Variants in CACNA1E observed in about 807,000 individuals in gnomAD.
The protein encoded by CACNA1E is calcium voltage-gated channel subunit alpha1 E.
Under a neutral mutation model 259.2 loss-of-function variants are expected in CACNA1E, and 40 were observed. That is an observed-to-expected ratio of 0.15 (90% CI 0.12 to 0.20). The LOEUF (loss-of-function observed/expected upper bound fraction) is 0.20. Ranked by LOEUF, CACNA1E falls within the 10% of genes least tolerant of loss-of-function variation. The pLI, the probability that CACNA1E is intolerant of heterozygous loss-of-function variation, is 1.00. For synonymous variants in CACNA1E, 1,104 were observed against 1,138.5 expected (o/e 0.97, Z 0.61); for missense variants, 1,874 against 3,040.1 (o/e 0.62, Z 9.02).
rs533035465 is a variant in CACNA1E at position 181,384,475 on chromosome 1, T to C, written c.-14-28658T>C. Among the ~76,000 whole-genome samples the C allele has an allele frequency of 3.3e-5, 5 of 152,276 alleles. No homozygotes were observed. In the East Asian group the frequency reaches 9.7e-4, roughly 29 times the overall value. Reference sequence around the variant, plus strand: ...AGGCCCTCCAAGCAACACTACTTCCTTTTTCCATGTAGGGTAGCAGAGTGA... The same window carrying C: ...AGGCCCTCCAAGCAACACTACTTCCCTTTTCCATGTAGGGTAGCAGAGTGA... On this transcript the variant is annotated intron_variant, in intron 1 of 11. Transcript: ENST00000524607.
chr1:181,673,074 G>T (rs761930446), intron 7 of CACNA1E, among the ~76,000 whole-genome samples: 1 of 152,194 alleles, frequency 6.6e-6, no homozygotes, highest in Non-Finnish European at 1.5e-5. Flanking sequence ...AATTGAGAGG[G>T]TTGTCAGTAT....
At chr1:181,432,011 G>T (rs147453853) in intron 2 of CACNA1E, among the ~76,000 whole-genome samples, 1 of 152,124 alleles carries the variant, frequency 6.6e-6, no homozygotes. Flanking sequence ...TTCCTGCATC[G>T]CCGATCGACC....
At chr1:181,425,135 T>C (rs1659068589) in intron 2 of CACNA1E, among the ~76,000 whole-genome samples, 1 of 152,220 alleles carries the variant, frequency 6.6e-6, no homozygotes, top group Admixed American at 6.5e-5. Flanking sequence ...TGGTTGTTTC[T>C]GTGTATTGCA....
chr1:181,389,232 A>G (rs1384501639), intron 1 of CACNA1E, among the ~76,000 whole-genome samples: 1 of 152,196 alleles, frequency 6.6e-6, no homozygotes, highest in Non-Finnish European at 1.5e-5. Flanking sequence ...ACTCAGTACT[A>G]TGTTTGGGGC....
chr1:181,679,463 C>T (rs530938840), intron 7 of CACNA1E, among the ~76,000 whole-genome samples: 2 of 152,306 alleles, frequency 1.3e-5, no homozygotes, highest in South Asian at 2.1e-4. Context: ...AAGGCAAACT[C>T]GGGCCAGAGC....
rs576694985 is a variant in CACNA1E at position 181,420,224 on chromosome 1, A to AT, written c.434+6654dup. ...GAAACCAACCTGGGAGGTCTCCTGCATTTTTTTTTTGTCTTTGGCTGGGTA... is the reference window on the plus strand; with the variant it reads ...GAAACCAACCTGGGAGGTCTCCTGCATTTTTTTTTTTGTCTTTGGCTGGGTA... On this transcript the variant is annotated intron_variant, in intron 2 of 11. Transcript: ENST00000524607. Among the ~76,000 whole-genome samples the AT allele has an allele frequency of 3.8e-3, 566 of 148,200 alleles. 4 individuals are homozygous for AT. Among genetic ancestry groups the AT allele is most frequent in the African/African-American group, 0.013 (515 of 40,538 alleles).
chr1:181,448,417 A>G (rs889284048), intron 2 of CACNA1E, among the ~76,000 whole-genome samples: 1 of 152,272 alleles, frequency 6.6e-6, no homozygotes, highest in East Asian at 1.9e-4. Flanking sequence ...TAGTAAACGT[A>G]GGAGTCAGGA....
intron 3 of CACNA1E, among the ~76,000 whole-genome samples, chr1:181,521,841 G>A (rs1667015333): frequency 6.6e-6 from 1 of 152,120 alleles, no homozygotes; most frequent in Non-Finnish European, 1.5e-5. Context: ...CAGGCAGAGG[G>A]TAGGACAGTT....
At chr1:181,715,930 T>G in intron 9 of CACNA1E, 110 bp from the exon 10 acceptor site, 2 of 696,336 alleles carry the variant, frequency 2.9e-6, no homozygotes, top group Admixed American at 4.3e-5. Context: ...TAGATGCCTG[T>G]GTTACAGGGG....
chr1:181,481,338 A>ACG (rs1663221026), upstream of CACNA1E, among the ~76,000 whole-genome samples: 1 of 102,254 alleles, frequency 9.8e-6, no homozygotes, highest in African/African-American at 4.1e-5. Flanking sequence ...ATTTTCCTAC[A>ACG]CACACACACA....
At chr1:181,424,848 G>A (rs890375926) in intron 2 of CACNA1E, among the ~76,000 whole-genome samples, 41 of 151,486 alleles carry the variant, frequency 2.7e-4, no homozygotes, top group African/African-American at 9.8e-4. Flanking sequence ...TCCTTTTGTG[G>A]TACCATCAGA....
intron 2 of CACNA1E, among the ~76,000 whole-genome samples, chr1:181,458,824 CCCATCCATCCATCCATCCATCCAT>C (rs57607890): frequency 2.7e-5 from 4 of 150,368 alleles, no homozygotes; most frequent in African/African-American, 9.8e-5. Context: ...CATTTATTTA[CCCATCCATCCATCCATCCATCCAT>C]CCATCCATCC....
At chr1:181,466,416 C>T (rs949620181) in intron 2 of CACNA1E, among the ~76,000 whole-genome samples, 1 of 151,734 alleles carries the variant, frequency 6.6e-6, no homozygotes, top group Non-Finnish European at 1.5e-5. Context: ...GTGTGGGTGG[C>T]GTGTGCCTGT....
At chr1:181,589,550 G>A (rs754168240) in intron 6 of CACNA1E, among the ~76,000 whole-genome samples, 4 of 151,986 alleles carry the variant, frequency 2.6e-5, no homozygotes, top group Non-Finnish European at 5.9e-5. Flanking sequence ...GGAGAGAGTG[G>A]ATAATTTAAA....
chr1:181,715,496 G>A (rs972609088), intron 9 of CACNA1E, 105 bp downstream of exon 9: 8 of 691,060 alleles, frequency 1.2e-5, no homozygotes, highest in African/African-American at 9.0e-5. Context: ...ATGGTGTTCT[G>A]GGATTGGAAA....
At chr1:181,705,160 T>C (rs150044522) in intron 7 of CACNA1E, among the ~76,000 whole-genome samples, 342 of 152,340 alleles carry the variant, frequency 2.2e-3, no homozygotes, top group Non-Finnish European at 4.2e-3. Context: ...TCCTTATAGG[T>C]TCATACATTC....
intron 2 of CACNA1E, among the ~76,000 whole-genome samples, chr1:181,444,044 C>A (rs1660656469): frequency 6.6e-6 from 1 of 152,212 alleles, no homozygotes; most frequent in South Asian, 2.1e-4. Context: ...TCTGTTCTTC[C>A]TAATGCTTGT....
chr1:181,639,889 G>C (rs557232696), intron 6 of CACNA1E, among the ~76,000 whole-genome samples: 3 of 152,304 alleles, frequency 2.0e-5, no homozygotes, highest in Admixed American at 2.0e-4. Context: ...GTAAAGAGAA[G>C]GGGGTTGGGA....
chr1:181,340,742 C>T (rs960465972), intron 1 of CACNA1E, among the ~76,000 whole-genome samples: 1 of 152,156 alleles, frequency 6.6e-6, no homozygotes, highest in African/African-American at 2.4e-5. Context: ...TTTCTACCCT[C>T]CTGGCCTAGG....
Sources: gnomAD v4.1 joint callset for allele counts (sites outside exome capture counted in the v4.1 genomes callset) on GRCh38, gnomAD v4.1.1 for gene constraint, MANE v1.5 for transcripts, NCBI Gene and HGNC (gene_info 2026-07-23, HGNC 2026-07-21) for gene names.